KLRD1: variants seen among roughly 807,000 people sequenced by gnomAD.
KLRD1 encodes the protein natural killer cells antigen CD94.
In KLRD1, 21 loss-of-function variants were observed where a neutral mutation model predicts 22.6. The ratio of observed to expected loss-of-function variants is 0.93; its 90% CI spans 0.66 to 1.34. The LOEUF is 1.34. KLRD1 is among the 40% of genes most tolerant of loss of function. The probability of loss-of-function intolerance (pLI) is 0.00; values close to 1 mark genes in which losing one functional copy is unlikely to be tolerated. For synonymous variants in KLRD1, 59 were observed against 71.1 expected (o/e 0.83, Z 0.85); for missense variants, 183 against 208.6 (o/e 0.88, Z 0.76).
chr12:10,267,064 C>T (rs546782153), intron 1 of KLRD1, among the ~76,000 whole-genome samples: 17 of 151,250 alleles, frequency 1.1e-4, no homozygotes, highest in Admixed American at 9.9e-4. Flanking sequence ...GGTATATCTC[C>T]TAATGCTATC....
chr12:10,287,372 G>A (rs1027169034), intron 1 of KLRD1, among the ~76,000 whole-genome samples: 11 of 151,926 alleles, frequency 7.2e-5, no homozygotes, highest in African/African-American at 1.9e-4. Context: ...AAATAACTCC[G>A]AATTTTTTTT....
chr12:10,281,401 C>T (rs1949641045), intron 1 of KLRD1, among the ~76,000 whole-genome samples: 1 of 152,072 alleles, frequency 6.6e-6, no homozygotes, highest in Admixed American at 6.5e-5. Context: ...GTTACAGCAG[C>T]AATAGTATAC....
At position 10,285,343 on chromosome 12, in the gene KLRD1, G is replaced by A. The variant is rs184268546; in HGVS notation, c.-100-22635G>A. On this transcript the variant is annotated intron_variant, in intron 1 of 5. Coordinates refer to the KLRD1 transcript ENST00000544747. Reference sequence around the variant, plus strand: ...AGTCTGTAAAACCACAGCCAGTCAAGTCACGTTTATTCTAGAAATTATTTT... The same window carrying A: ...AGTCTGTAAAACCACAGCCAGTCAAATCACGTTTATTCTAGAAATTATTTT... 4.1e-3 allele frequency among the ~76,000 whole-genome samples: 630 copies of A among 152,294 alleles called. 2 individuals carry two copies. Among genetic ancestry groups the A allele is most frequent in the Non-Finnish European group, 6.8e-3 (462 of 68,012 alleles).
intron 1 of KLRD1, among the ~76,000 whole-genome samples, chr12:10,275,813 A>G (rs1351358979): frequency 6.6e-6 from 1 of 152,330 alleles, no homozygotes; most frequent in East Asian, 1.9e-4. Flanking sequence ...AAATATGACA[A>G]ACATACAGGA....
intron 1 of KLRD1, among the ~76,000 whole-genome samples, chr12:10,271,801 A>G (rs1027676411): frequency 3.9e-5 from 6 of 152,014 alleles, no homozygotes; most frequent in African/African-American, 4.8e-5. Flanking sequence ...TAATCATAAG[A>G]AAGTTTTAAA....
intron 1 of KLRD1, among the ~76,000 whole-genome samples, chr12:10,269,855 C>T (rs2617138): frequency 0.97 from 148,237 of 152,232 alleles, 72,287 homozygotes; most frequent in East Asian, 1. Flanking sequence ...TTATATGTTT[C>T]ATAATATTAA....
rs1356688667 is a variant in KLRD1 at position 10,316,890 on chromosome 12, T to C, written c.*2097T>C. On this transcript the variant is annotated 3_prime_UTR_variant, in exon 6 of 6. Coordinates refer to ENST00000336164, the MANE Select transcript of KLRD1 (RefSeq NM_002262.5). ...ATTGACCCATCATCTAGGTTTTAAG[T>C]CCCACATGCATTAGGTATTTGTCCT... The C allele has an allele frequency of 6.6e-6, 1 of 152,142 alleles. No individual in the cohort carries two copies. Among genetic ancestry groups the C allele is most frequent in the Non-Finnish European group, 1.5e-5 (1 of 68,040 alleles). The allele number at this position is 152,142 out of a possible 1,614,324, so 9.4% of individuals were successfully genotyped here.
At chr12:10,241,740 G>T (rs1813286301) in intron 1 of KLRD1, among the ~76,000 whole-genome samples, 1 of 152,120 alleles carries the variant, frequency 6.6e-6, no homozygotes, top group South Asian at 2.1e-4. Flanking sequence ...GATAGTATGT[G>T]TGTATATGTG....
chr12:10,255,003 C>T (rs1237116142), intron 1 of KLRD1, among the ~76,000 whole-genome samples: 3 of 148,480 alleles, frequency 2.0e-5, no homozygotes, highest in South Asian at 2.2e-4. Context: ...AGCTCAACAT[C>T]GCTGATCATT....
intron 1 of KLRD1, among the ~76,000 whole-genome samples, chr12:10,257,544 C>G (rs183341147): frequency 1.0e-5 from 1 of 100,472 alleles, no homozygotes; most frequent in Admixed American, 1.0e-4. Flanking sequence ...TTTAATTTTT[C>G]GTCTCTAGAA....
intron 1 of KLRD1, among the ~76,000 whole-genome samples, chr12:10,268,973 GT>G (rs1949525263): frequency 6.6e-6 from 1 of 151,798 alleles, no homozygotes; most frequent in Non-Finnish European, 1.5e-5. Flanking sequence ...TTTTCTTTTT[GT>G]TTTTCTGTTT....
rs1377016705 is a variant in KLRD1, at chr12:10,320,480, G to A, written c.*5687G>A. On this transcript the variant is annotated 3_prime_UTR_variant, in exon 6 of 6. Transcript: ENST00000336164. ...GTGGAAAGTAGAAAATGTACTTAAT[G>A]ATTTAAGAGAATGCTCTAAACTTAT... 2 of 152,168 alleles carry A rather than the reference G, an allele frequency of 1.3e-5. No homozygotes were observed. Among genetic ancestry groups the A allele is most frequent in the African/African-American group, 4.8e-5 (2 of 41,428 alleles). The allele number at this position is 152,168 out of a possible 1,614,324, so 9.4% of individuals were successfully genotyped here.
chr12:10,290,523 G>A (rs1332307146), intron 1 of KLRD1, among the ~76,000 whole-genome samples: 2 of 152,150 alleles, frequency 1.3e-5, no homozygotes, highest in Non-Finnish European at 2.9e-5. Context: ...ATTAAAGAAA[G>A]CATTGGACAT....
intron 1 of KLRD1, among the ~76,000 whole-genome samples, chr12:10,292,650 G>A (rs1309385885): frequency 1.3e-5 from 2 of 152,170 alleles, no homozygotes; most frequent in Non-Finnish European, 2.9e-5. Flanking sequence ...TATATAGAGA[G>A]CACAGGTAGA....
chr12:10,242,836 GTCT>G (rs1949253893), intron 1 of KLRD1, among the ~76,000 whole-genome samples: 1 of 152,126 alleles, frequency 6.6e-6, no homozygotes, highest in African/African-American at 2.4e-5. Context: ...CCATTTGCAT[GTCT>G]TCTTTTGCAG....
intron 3 of KLRD1, among the ~76,000 whole-genome samples, chr12:10,310,720 G>A (rs933081678): frequency 6.6e-6 from 1 of 152,154 alleles, no homozygotes; most frequent in Non-Finnish European, 1.5e-5. Context: ...GGGAGGCGGA[G>A]GTTGAAGGGA....
intron 1 of KLRD1, among the ~76,000 whole-genome samples, chr12:10,272,401 C>T (rs1949558618): frequency 6.6e-6 from 1 of 152,128 alleles, no homozygotes; most frequent in Admixed American, 6.5e-5. Context: ...ATTAGAAAAT[C>T]CTGAACTCAT....
At chr12:10,290,562 AAC>A (rs1220112445) in intron 1 of KLRD1, among the ~76,000 whole-genome samples, 1 of 152,180 alleles carries the variant, frequency 6.6e-6, no homozygotes, top group Non-Finnish European at 1.5e-5. Flanking sequence ...TGCACGCACA[AAC>A]ACACACACAT....
At chr12:10,288,551 G>A (rs74060313) in intron 1 of KLRD1, among the ~76,000 whole-genome samples, 2,286 of 152,194 alleles carry the variant, frequency 0.015, 47 homozygotes, top group African/African-American at 0.05. Flanking sequence ...GACTTTGAGC[G>A]TGTTTCCTTG....
Sources: gnomAD v4.1 joint callset for allele counts (sites outside exome capture counted in the v4.1 genomes callset) on GRCh38, gnomAD v4.1.1 for gene constraint, MANE v1.5 for transcripts, NCBI Gene and HGNC (gene_info 2026-07-23, HGNC 2026-07-21) for gene names.